Variants in CTNNA3 observed in about 807,000 individuals in gnomAD.
CTNNA3 encodes the protein catenin alpha 3, also known as catenin alpha-3.
In CTNNA3, 76 loss-of-function variants were observed where a neutral mutation model predicts 95.7. The observed-to-expected ratio is 0.79, with a 90% confidence interval of 0.66 to 0.96. CTNNA3 has a LOEUF of 0.96. CTNNA3 is among the 40% of genes least tolerant of loss of function. The pLI, the probability that CTNNA3 is intolerant of heterozygous loss-of-function variation, is 0.00. For synonymous variants in CTNNA3, 431 were observed against 374.4 expected (o/e 1.15, Z -1.74); for missense variants, 1,191 against 1,089.8 (o/e 1.09, Z -1.31).
At position 67,117,178 on chromosome 10, in the gene CTNNA3, T is replaced by C. The variant is rs191488136; in HGVS notation, c.1047+63139A>G. 8.2e-4 allele frequency among the ~76,000 whole-genome samples: 124 copies of C among 152,130 alleles called. 1 individual carries two copies. Among genetic ancestry groups the C allele is most frequent in the Middle Eastern group, 3.4e-3 (1 of 294 alleles). Reference sequence around the variant, plus strand: ...TTGACCTTCAGCAATGTCAGCTCACTTCTTTGGGATTCTGCTTCTTTATCT... The same window carrying C: ...TTGACCTTCAGCAATGTCAGCTCACCTCTTTGGGATTCTGCTTCTTTATCT... On this transcript the variant is annotated intron_variant, in intron 7 of 17. Transcript: ENST00000433211.
At chr10:66,665,413 C>T (rs1846416813) in intron 9 of CTNNA3, among the ~76,000 whole-genome samples, 1 of 152,148 alleles carries the variant, frequency 6.6e-6, no homozygotes, top group African/African-American at 2.4e-5. Flanking sequence ...CATAGTAAAG[C>T]CCTTTGCATG....
chr10:66,472,587 T>A (rs1305715117), intron 11 of CTNNA3, among the ~76,000 whole-genome samples: 1 of 152,012 alleles, frequency 6.6e-6, no homozygotes, highest in Non-Finnish European at 1.5e-5. Flanking sequence ...TAAAAATATT[T>A]TTAAAGTTCT....
At chr10:66,960,750 C>CA (rs1341342424) in intron 7 of CTNNA3, among the ~76,000 whole-genome samples, 2 of 152,054 alleles carry the variant, frequency 1.3e-5, no homozygotes, top group East Asian at 3.9e-4. Context: ...AACAGAATGG[C>CA]ATAGGATCTA....
At chr10:67,711,835 T>C (rs1457043318) in intron 1 of CTNNA3, among the ~76,000 whole-genome samples, 1 of 150,470 alleles carries the variant, frequency 6.6e-6, no homozygotes, top group African/African-American at 2.4e-5. Flanking sequence ...TATGCGGTGT[T>C]TGGTTTTTTG....
chr10:66,741,667 G>A (rs558635974), intron 9 of CTNNA3, among the ~76,000 whole-genome samples: 24 of 152,334 alleles, frequency 1.6e-4, no homozygotes, highest in African/African-American at 4.3e-4. Context: ...CAGGGACCCC[G>A]AATGGAGGGA....
chr10:65,989,729 GTCTTC>G (rs778688148), intron 15 of CTNNA3, among the ~76,000 whole-genome samples: 3 of 152,066 alleles, frequency 2.0e-5, no homozygotes, highest in African/African-American at 2.4e-5. Context: ...AATATTTGAA[GTCTTC>G]TCTTCTAGCT....
intron 12 of CTNNA3, among the ~76,000 whole-genome samples, chr10:66,305,424 C>CT (rs1223575819): frequency 2.0e-5 from 3 of 152,098 alleles, no homozygotes; most frequent in African/African-American, 7.2e-5. Flanking sequence ...GCAGTCAACC[C>CT]TATTTTCTCA....
chr10:67,512,506 T>G (rs1011372064), intron 5 of CTNNA3, among the ~76,000 whole-genome samples: 1 of 152,166 alleles, frequency 6.6e-6, no homozygotes, highest in African/African-American at 2.4e-5. Flanking sequence ...GGATATACTT[T>G]AAAGGTTTAG....
At chr10:66,043,520 T>C (rs966808967) in intron 15 of CTNNA3, among the ~76,000 whole-genome samples, 2 of 152,216 alleles carry the variant, frequency 1.3e-5, no homozygotes, top group South Asian at 4.1e-4. Flanking sequence ...TTGAAATATA[T>C]ACTGTCCTTT....
intron 7 of CTNNA3, among the ~76,000 whole-genome samples, chr10:66,996,534 G>A (rs1851353272): frequency 6.6e-6 from 1 of 151,104 alleles, no homozygotes; most frequent in Non-Finnish European, 1.5e-5. Flanking sequence ...TGTAGTCCCA[G>A]CTACTCAGGA....
chr10:66,149,563 C>T (rs906979086), intron 13 of CTNNA3, among the ~76,000 whole-genome samples: 25 of 151,202 alleles, frequency 1.7e-4, no homozygotes, highest in Non-Finnish European at 3.1e-4. Context: ...ATCAATTATA[C>T]TGTTAGTTTT....
At chr10:67,599,547 A>G (rs1291360099) in intron 3 of CTNNA3, among the ~76,000 whole-genome samples, 1 of 152,188 alleles carries the variant, frequency 6.6e-6, no homozygotes, top group Non-Finnish European at 1.5e-5. Context: ...TTTTCAAAAA[A>G]CAAATGAAAA....
At chr10:67,028,803 A>G (rs1313432373) in intron 7 of CTNNA3, among the ~76,000 whole-genome samples, 1 of 152,216 alleles carries the variant, frequency 6.6e-6, no homozygotes, top group Non-Finnish European at 1.5e-5. Flanking sequence ...CCTCCCAAGC[A>G]TTCTACAAGT....
At chr10:66,287,479 G>C (rs1374290934) in intron 12 of CTNNA3, among the ~76,000 whole-genome samples, 1 of 152,064 alleles carries the variant, frequency 6.6e-6, no homozygotes, top group Non-Finnish European at 1.5e-5. Flanking sequence ...CTCAGACTCA[G>C]AGCCTGTGCC....
intron 10 of CTNNA3, among the ~76,000 whole-genome samples, chr10:66,534,484 ATATATATATATATATATG>A (rs1841582040): frequency 1.4e-4 from 2 of 13,826 alleles, no homozygotes; most frequent in Admixed American, 7.7e-4. Flanking sequence ...ATATATATAT[ATATATATATATATATATG>A]TATATATATG....
chr10:67,041,755 AATAAG>A (rs1333364049), intron 7 of CTNNA3, among the ~76,000 whole-genome samples: 1 of 152,130 alleles, frequency 6.6e-6, no homozygotes, highest in Non-Finnish European at 1.5e-5. Flanking sequence ...CTCATAGATA[AATAAG>A]ATAATATTCT....
intron 2 of CTNNA3, among the ~76,000 whole-genome samples, chr10:67,610,847 C>G (rs552167867): frequency 1.3e-5 from 2 of 152,192 alleles, no homozygotes; most frequent in Non-Finnish European, 2.9e-5. Context: ...GCCATAGATA[C>G]AAAACCCTCC....
At chr10:67,197,561 G>A (rs996586983) in intron 6 of CTNNA3, among the ~76,000 whole-genome samples, 12 of 152,014 alleles carry the variant, frequency 7.9e-5, no homozygotes, top group Admixed American at 4.6e-4. Flanking sequence ...ATGACTGCTG[G>A]GTGGTGACAG....
intron 7 of CTNNA3, among the ~76,000 whole-genome samples, chr10:67,178,387 T>C (rs951248514): frequency 6.6e-6 from 1 of 152,220 alleles, no homozygotes; most frequent in Non-Finnish European, 1.5e-5. Flanking sequence ...AGTCACTTTA[T>C]AAGTACCTCT....
Sources: gnomAD v4.1 joint callset for allele counts (sites outside exome capture counted in the v4.1 genomes callset) on GRCh38, gnomAD v4.1.1 for gene constraint, MANE v1.5 for transcripts, NCBI Gene and HGNC (gene_info 2026-07-23, HGNC 2026-07-21) for gene names.